MDH1B: variants seen among roughly 807,000 people sequenced by gnomAD.
The protein encoded by MDH1B is putative malate dehydrogenase 1B.
In MDH1B, 60 loss-of-function variants were observed where a neutral mutation model predicts 61.4. The ratio of observed to expected loss-of-function variants is 0.98; its 90% CI spans 0.79 to 1.21. The LOEUF (loss-of-function observed/expected upper bound fraction) is 1.21. Ranked by LOEUF, MDH1B falls within the 50% of genes most tolerant of loss-of-function variation. The probability of loss-of-function intolerance (pLI) is 0.00; values close to 1 mark genes in which losing one functional copy is unlikely to be tolerated. For synonymous variants in MDH1B, 236 were observed against 218.7 expected, an observed-to-expected ratio of 1.08 and a Z score of -0.70; for missense variants, 587 against 632.1, an observed-to-expected ratio of 0.93 and a Z score of 0.76.
intron 2 of MDH1B, 96 bp from the exon 3 acceptor site, chr2:206,757,467 T>C: frequency 4.1e-6 from 5 of 1,216,416 alleles, no homozygotes; most frequent in Non-Finnish European, 5.8e-6. Context: ...CTAGGTTGCT[T>C]TTAATGTCAC....
At chr2:206,756,074 C>T (rs1356011444) in intron 4 of MDH1B, among the ~76,000 whole-genome samples, 1 of 152,064 alleles carries the variant, frequency 6.6e-6, no homozygotes, top group African/African-American at 2.4e-5. Context: ...CTGTAATGCC[C>T]ACCATGGGAA....
chr2:206,757,033 T>G lies in MDH1B; in HGVS notation c.278A>C (p.Tyr93Ser), dbSNP rs201485898. The change falls in exon 4 of 12, where the codon TAT becomes TCT. Residue 93 changes from tyrosine (Y) to serine (S), a missense_variant. Tyr to Ser is a moderately radical substitution (Grantham distance 144). Coordinates refer to ENST00000374412, the MANE Select transcript of MDH1B (RefSeq NM_001039845.3). ...AGTCGTCATGCTAGAGGTGACATCA[T>G]AGTAAAGCTAAATATTGGGAGAGAA... ...NEFLEHAQLY[Y>S]DVTSSMTTEL... 1.9e-6 allele frequency: 3 copies of G among 1,612,758 alleles called. No homozygotes were observed. In the African/African-American group the frequency reaches 4.0e-5, roughly 22 times the overall value.
intron 1 of MDH1B, among the ~76,000 whole-genome samples, chr2:206,762,424 C>T (rs183607031): frequency 1.3e-5 from 2 of 152,278 alleles, no homozygotes; most frequent in Admixed American, 1.3e-4. Flanking sequence ...AATCTAATCC[C>T]ACCACTTATG....
chr2:206,741,092 A>G lies in MDH1B; in HGVS notation c.1421T>C (p.Leu474Pro). 2 of 1,612,744 alleles carry G rather than the reference A, an allele frequency of 1.2e-6. No homozygotes were observed. The highest frequency in any genetic ancestry group is 2.2e-5 in the South Asian group (2 of 91,062). The change falls in exon 10 of 12, where the codon CTG becomes CCG. Residue 474 changes from leucine (L) to proline (P), a missense_variant. Physicochemically the swap from Leu to Pro is moderately conservative, Grantham distance 98. Coordinates refer to ENST00000374412, the MANE Select transcript of MDH1B (RefSeq NM_001039845.3). ...FQPYQSGHKD[L>P]VPDEEKNLAM... ...TAGATTTTTTTCTTCATCAGGGACC[A>G]GATCTTTATGTCCTGAAATCAAAAT...
In MDH1B at chr2:206,756,076, C is replaced by A. The variant is rs550333484; in HGVS notation, c.414-571G>T. Among the ~76,000 whole-genome samples the A allele has an allele frequency of 2.0e-5, 3 of 152,136 alleles. No individual in the cohort carries two copies. The South Asian group carries it at 6.2e-4, about 32-fold the overall frequency. ...TATCAGCTGTGAACTGTAATGCCCA[C>A]CATGGGAAGTTCAGAAATGCATCCG... is the stretch of plus-strand genomic sequence containing the variant. On this transcript the variant is annotated intron_variant, in intron 4 of 11. Coordinates refer to ENST00000374412, the MANE Select transcript of MDH1B (RefSeq NM_001039845.3).
At position 206,756,911 on chromosome 2, in the gene MDH1B, C is replaced by T. The variant is rs1260656590; in HGVS notation, c.400G>A (p.Val134Ile). The T allele has an allele frequency of 2.5e-6, 4 of 1,614,038 alleles. No individual in the cohort carries two copies. Among genetic ancestry groups the T allele is most frequent in the Admixed American group, 1.7e-5 (1 of 59,996 alleles). Residue 134 changes from valine (V) to isoleucine (I), a missense_variant, in exon 4 of 12, where the codon GTC (valine) becomes ATC (isoleucine). Val to Ile is a conservative substitution (Grantham distance 29, BLOSUM62 3). Transcript: ENST00000374412. ...TGACTGTCCCACCTGGTGATCCAGA[C>T]CTGCAAGGGGTTGATGCAAGTTTTC... is the stretch of plus-strand genomic sequence containing the variant. ...ALKTCINPLQ[V>I]WITSASAPAC...
At chr2:206,740,636 C>CA (rs897406437) in intron 10 of MDH1B, among the ~76,000 whole-genome samples, 4 of 152,040 alleles carry the variant, frequency 2.6e-5, no homozygotes, top group Non-Finnish European at 4.4e-5. Context: ...CATAATGAGA[C>CA]AAAAAATCCC....
Position 206,754,226 on chromosome 2 carries a change from T to C in MDH1B, c.910+783A>G, listed in dbSNP as rs2105940065. Among the ~76,000 whole-genome samples the C allele has an allele frequency of 1.3e-5, 2 of 152,340 alleles. 1 individual carries two copies. The highest frequency in any genetic ancestry group is 4.1e-4 in the South Asian group (2 of 4,830). On this transcript the variant is annotated intron_variant, in intron 5 of 11. Coordinates refer to ENST00000374412, the MANE Select transcript of MDH1B (RefSeq NM_001039845.3). ...GGGAACATTCTAGGCTCACATTTCA[T>C]TGTCTTTCCAATTTTGCTTGAGAGA...
chr2:206,746,392 A>G lies in MDH1B; in HGVS notation c.1251T>C (p.Ser417=), dbSNP rs745774760. ...QFGIPKGIVF[S]MPVKFENGTW... is the part of the protein sequence containing the mutation. Reference sequence around the variant, plus strand: ...TTCCATTCTCAAATTTCACAGGCATAGAAAAGACGATCCCTTTCGGAATAC... The same window carrying G: ...TTCCATTCTCAAATTTCACAGGCATGGAAAAGACGATCCCTTTCGGAATAC... The change falls in exon 8 of 12, where the codon TCT becomes TCC. Residue 417 remains serine, a synonymous_variant. Coordinates refer to ENST00000374412, the MANE Select transcript of MDH1B (RefSeq NM_001039845.3). 1.6e-5 allele frequency: 26 copies of G among 1,613,826 alleles called. No individual in the cohort carries two copies. The highest frequency in any genetic ancestry group is 1.9e-5 in the Non-Finnish European group (23 of 1,179,954).
Position 206,738,372 on chromosome 2 carries a change from G to C in MDH1B, c.*111C>G. On this transcript the variant is annotated 3_prime_UTR_variant, in exon 12 of 12. Coordinates refer to ENST00000374412, the MANE Select transcript of MDH1B (RefSeq NM_001039845.3). The stretch of plus-strand genomic sequence containing the variant: ...AATTGCCTTGCATGGTATTATCTAA[G>C]ACTGACATAAATCTTTCAAATTATT... The C allele has an allele frequency of 2.4e-6, 2 of 826,244 alleles. No individual in the cohort carries two copies. The highest frequency in any genetic ancestry group is 3.7e-6 in the Non-Finnish European group (2 of 543,706). 51.2% of individuals were successfully genotyped at this position (826,244 alleles called of 1,614,324 possible).
At chr2:206,760,623 TAAC>T (rs1689035926) in intron 2 of MDH1B, among the ~76,000 whole-genome samples, 1 of 152,170 alleles carries the variant, frequency 6.6e-6, no homozygotes. Context: ...AATGAAAAGT[TAAC>T]AAGTGCAGTG....
At chr2:206,756,614 G>C (rs1688774833) in intron 4 of MDH1B, 3 of 344,854 alleles carry the variant, frequency 8.7e-6, no homozygotes, top group African/African-American at 6.4e-5. Flanking sequence ...GCAACAGTCA[G>C]AGAGGGTGAG....
intron 1 of MDH1B, 131 bp downstream of exon 1, chr2:206,765,118 TA>T: frequency 8.6e-7 from 1 of 1,162,288 alleles, no homozygotes; most frequent in Non-Finnish European, 1.2e-6. Context: ...CACGGTCCAG[TA>T]AAAAACTTTG....
At position 206,760,932 on chromosome 2, in the gene MDH1B, T is replaced by C. The variant is rs139076544; in HGVS notation, c.104A>G (p.His35Arg). Reference sequence around the variant, plus strand: ...AACCTCAGGACGTTGTGTGATTTTATGTATCCGAAAATCAGGAAGATTCTT... The same window carrying C: ...AACCTCAGGACGTTGTGTGATTTTACGTATCCGAAAATCAGGAAGATTCTT... Reference protein sequence around the residue: ...LQKNLPDFRIHKITQRPEVWE... With the variant: ...LQKNLPDFRIRKITQRPEVWE... Residue 35 changes from histidine (H) to arginine (R), a missense_variant, in exon 2 of 12, where the codon CAT (histidine) becomes CGT (arginine). Transcript: ENST00000374412. The C allele has an allele frequency of 3.3e-4, 527 of 1,612,138 alleles. 3 individuals are homozygous for C. Among genetic ancestry groups the C allele is most frequent in the Non-Finnish European group, 3.6e-4 (429 of 1,178,368 alleles).
chr2:206,758,623 A>G (rs12473950), intron 2 of MDH1B, among the ~76,000 whole-genome samples: 18,707 of 152,038 alleles, frequency 0.12, 1,680 homozygotes, highest in African/African-American at 0.26. Flanking sequence ...AAATTTAGCC[A>G]GGCGTGGTGA....
At chr2:206,743,048 G>T (rs566679213) in intron 9 of MDH1B, among the ~76,000 whole-genome samples, 227 of 151,992 alleles carry the variant, frequency 1.5e-3, no homozygotes, top group South Asian at 3.7e-3. Flanking sequence ...GAAATCTGGA[G>T]AACAGGTATG....
chr2:206,754,566 A>T (rs1322671936), intron 5 of MDH1B, among the ~76,000 whole-genome samples: 1 of 152,210 alleles, frequency 6.6e-6, no homozygotes, highest in Non-Finnish European at 1.5e-5. Flanking sequence ...TCTAGGAGAT[A>T]GGCACTGTTA....
intron 1 of MDH1B, among the ~76,000 whole-genome samples, chr2:206,764,828 C>G (rs13412163): frequency 0.014 from 2,175 of 152,258 alleles, 50 homozygotes; most frequent in African/African-American, 0.049. Flanking sequence ...CTTCCTGCCT[C>G]TCTGCTTTTA....
Position 206,739,575 on chromosome 2 carries a change from G to T in MDH1B, c.1528+18C>A, listed in dbSNP as rs200508911. 6.2e-7 allele frequency: 1 copy of T among 1,608,382 alleles called. No homozygotes were observed. Among genetic ancestry groups the T allele is most frequent in the East Asian group, 2.2e-5 (1 of 44,836 alleles). On this transcript the variant is annotated intron_variant, in intron 11 of 11. Transcript: ENST00000374412. ...GTAGAATAAGAAAATACTAGTTAAT[G>T]TTTTGTCTACCACCTACCATTTAGG...
Sources: gnomAD v4.1 joint callset for allele counts (sites outside exome capture counted in the v4.1 genomes callset) on GRCh38, gnomAD v4.1.1 for gene constraint, MANE v1.5 for transcripts, NCBI Gene and HGNC (gene_info 2026-07-23, HGNC 2026-07-21) for gene names.